Variants in NCOA3 observed in about 807,000 individuals in gnomAD.
The protein encoded by NCOA3 is nuclear receptor coactivator 3.
A neutral mutation model predicts 158.8 loss-of-function variants in NCOA3; 51 were observed. The observed-to-expected ratio is 0.32, with a 90% CI of 0.26 to 0.41. The LOEUF is 0.41. Ranked by LOEUF, NCOA3 falls within the 10% of genes least tolerant of loss-of-function variation. NCOA3 has a pLI of 1.00. For missense variants in NCOA3, 1,510 were observed against 1,746.6 expected, an observed-to-expected ratio of 0.86 and a Z score of 2.41; for synonymous variants, 537 against 592.4, an observed-to-expected ratio of 0.91 and a Z score of 1.36.
intron 2 of NCOA3, among the ~76,000 whole-genome samples, chr20:47,601,698 G>A (rs2085866630): frequency 1.3e-5 from 2 of 152,222 alleles, no homozygotes; most frequent in South Asian, 4.1e-4. Flanking sequence ...TTGAATCTGT[G>A]TAATATTTAA....
rs2083939535 is a variant in NCOA3 at position 47,501,991 on chromosome 20, C to T, written c.-127C>T. On this transcript the variant is annotated 5_prime_UTR_variant, in exon 1 of 23. Coordinates refer to ENST00000371998, the MANE Select transcript of NCOA3 (RefSeq NM_181659.3). The stretch of plus-strand genomic sequence containing the variant: ...TGAGCGGCGAGTTTCCGATTTAAAG[C>T]TGAGCTGCGAGGAAAATGGCGGCGG... 2.5e-6 allele frequency: 1 copy of T among 399,486 alleles called. No individual in the cohort carries two copies. The highest frequency in any genetic ancestry group is 4.4e-6 in the Non-Finnish European group (1 of 226,590). The allele number at this position is 399,486 out of a possible 1,614,324, so 24.7% of individuals were successfully genotyped here.
At chr20:47,620,763 T>C (rs937508799) in intron 2 of NCOA3, among the ~76,000 whole-genome samples, 1 of 152,226 alleles carries the variant, frequency 6.6e-6, no homozygotes, top group Non-Finnish European at 1.5e-5. Context: ...AACATACTTT[T>C]ATGTCTATTG....
chr20:47,634,233 A>G (rs772930454), intron 10 of NCOA3, 38 bp downstream of exon 10: 1 of 1,570,314 alleles, frequency 6.4e-7, no homozygotes, highest in South Asian at 1.2e-5. Context: ...TACAAAATGC[A>G]GCAGTGTTCT....
chr20:47,587,802 T>C (rs1166528016), intron 2 of NCOA3, among the ~76,000 whole-genome samples: 2 of 152,200 alleles, frequency 1.3e-5, no homozygotes, highest in Non-Finnish European at 2.9e-5. Flanking sequence ...ATATACATAT[T>C]TTAGAAATCA....
chr20:47,505,566 T>C (rs1050016549), intron 1 of NCOA3, among the ~76,000 whole-genome samples: 1 of 152,142 alleles, frequency 6.6e-6, no homozygotes, highest in Non-Finnish European at 1.5e-5. Context: ...TGATCATGAT[T>C]GAAGAGATTA....
intron 1 of NCOA3, among the ~76,000 whole-genome samples, chr20:47,503,808 A>G (rs968925497): frequency 2.0e-5 from 3 of 152,298 alleles, no homozygotes; most frequent in Admixed American, 1.3e-4. Context: ...GATATTGAAC[A>G]CTATAGCTCC....
intron 1 of NCOA3, among the ~76,000 whole-genome samples, chr20:47,518,851 A>T (rs3091997): frequency 0.13 from 19,841 of 152,200 alleles, 1,779 homozygotes; most frequent in African/African-American, 0.24. Flanking sequence ...TTCATCTAAG[A>T]AATGACTGGT....
intron 1 of NCOA3, among the ~76,000 whole-genome samples, chr20:47,527,144 A>T (rs150217459): frequency 1.3e-3 from 193 of 152,292 alleles, no homozygotes; most frequent in African/African-American, 4.6e-3. Context: ...GAATAAAGAC[A>T]GTTTAATTCC....
chr20:47,564,428 G>A (rs749712939), intron 1 of NCOA3, among the ~76,000 whole-genome samples: 1 of 152,062 alleles, frequency 6.6e-6, no homozygotes, highest in Non-Finnish European at 1.5e-5. Context: ...TACCTGTCAT[G>A]TGCAAGTTAC....
chr20:47,525,894 C>T (rs2084434408), intron 1 of NCOA3, among the ~76,000 whole-genome samples: 2 of 137,242 alleles, frequency 1.5e-5, no homozygotes, highest in African/African-American at 2.7e-5. Context: ...GGGGGGCTGA[C>T]CCCCCCACCT....
intron 2 of NCOA3, among the ~76,000 whole-genome samples, chr20:47,602,729 G>T (rs560668589): frequency 3.3e-5 from 5 of 152,324 alleles, no homozygotes; most frequent in South Asian, 2.1e-4. Flanking sequence ...TTGTGTATGA[G>T]AATTTTTACT....
chr20:47,622,247 G>A lies in NCOA3; in HGVS notation c.-1G>A. On this transcript the variant is annotated 5_prime_UTR_variant, in exon 3 of 23. Transcript: ENST00000371998. The stretch of plus-strand genomic sequence containing the variant: ...CTCTTAGTTGCTGATGTATATTCAA[G>A]ATGAGTGGATTAGGAGAAAACTTGG... The A allele has an allele frequency of 6.3e-7, 1 of 1,593,754 alleles. No individual in the cohort carries two copies. Among genetic ancestry groups the A allele is most frequent in the South Asian group, 1.1e-5 (1 of 88,282 alleles).
intron 8 of NCOA3, 146 bp downstream of exon 8, chr20:47,628,169 C>G (rs913210677): frequency 2.0e-6 from 1 of 491,438 alleles, no homozygotes; most frequent in African/African-American, 1.9e-5. Flanking sequence ...TATCTTTTTT[C>G]ATGTTGCTTA....
chr20:47,621,654 A>ATTTTTTTTTTTTTTTTTT lies in NCOA3; in HGVS notation c.-19-558_-19-557insTTTTTTTTTTTTTTTTTT, dbSNP rs749582388. On this transcript the variant is annotated intron_variant, in intron 2 of 22. Transcript: ENST00000371998. ...AGCATACTATTTTTCCATCAGTCAA[A>ATTTTTTTTTTTTTTTTTT]TTTTTTTTTTTTTTTTTGAGACGGA... Among the ~76,000 whole-genome samples the ATTTTTTTTTTTTTTTTTT allele has an allele frequency of 6.4e-4, 77 of 119,774 alleles. 4 individuals are homozygous for ATTTTTTTTTTTTTTTTTT. Among genetic ancestry groups the ATTTTTTTTTTTTTTTTTT allele is most frequent in the African/African-American group, 2.1e-3 (61 of 29,430 alleles). The allele number at this position is 119,774 out of a possible 152,430, so 78.6% of individuals were successfully genotyped here.
chr20:47,628,121 A>G, intron 8 of NCOA3, 98 bp downstream of exon 8: 1 of 744,800 alleles, frequency 1.3e-6, no homozygotes, highest in Non-Finnish European at 2.3e-6. Flanking sequence ...CTGTACTATC[A>G]TAGAAATGTA....
At chr20:47,541,899 A>G (rs1479194944) in intron 1 of NCOA3, among the ~76,000 whole-genome samples, 1 of 151,866 alleles carries the variant, frequency 6.6e-6, no homozygotes, top group African/African-American at 2.4e-5. Context: ...TTCAAACAAG[A>G]TGCAGACATT....
At chr20:47,594,076 A>G (rs975385497) in intron 2 of NCOA3, among the ~76,000 whole-genome samples, 8 of 152,160 alleles carry the variant, frequency 5.3e-5, no homozygotes, top group African/African-American at 1.9e-4. Flanking sequence ...TTAGGTTTGT[A>G]TTGCCTTATG....
intron 2 of NCOA3, among the ~76,000 whole-genome samples, chr20:47,598,556 C>T (rs975601290): frequency 2.6e-5 from 4 of 152,034 alleles, no homozygotes; most frequent in Admixed American, 6.6e-5. Context: ...AAGCTGGTCT[C>T]GAACTCCTGA....
chr20:47,622,874 T>C (rs1293273933), intron 3 of NCOA3: 1 of 152,214 alleles, frequency 6.6e-6, no homozygotes, highest in African/African-American at 2.4e-5. Flanking sequence ...ACAAAGTACA[T>C]TGATCAAGTT....
Sources: gnomAD v4.1 joint callset for allele counts (sites outside exome capture counted in the v4.1 genomes callset) on GRCh38, gnomAD v4.1.1 for gene constraint, MANE v1.5 for transcripts, NCBI Gene and HGNC (gene_info 2026-07-23, HGNC 2026-07-21) for gene names.